The following GALNT17 variants were observed in gnomAD, a reference collection of about 807,000 sequenced individuals.
GALNT17 encodes UDP-GalNAc:polypeptide N-acetylgalactosaminyltransferase-like 3.
GALNT17 carries 29 observed loss-of-function variants against 63.7 expected under a neutral mutation model. The ratio of observed to expected loss-of-function variants is 0.46; its 90% CI spans 0.34 to 0.62. The LOEUF (loss-of-function observed/expected upper bound fraction) is 0.62, where lower values mean the gene tolerates loss of function less well. Ranked by LOEUF, GALNT17 falls within the 20% of genes least tolerant of loss-of-function variation. The probability of loss-of-function intolerance (pLI) is 0.01; values close to 1 mark genes in which losing one functional copy is unlikely to be tolerated. For missense variants in GALNT17, 603 were observed against 799.6 expected, an observed-to-expected ratio of 0.75 and a Z score of 2.97; for synonymous variants, 305 against 318.3, an observed-to-expected ratio of 0.96 and a Z score of 0.45.
At chr7:71,404,988 G>A (rs2116399551) in intron 3 of GALNT17, among the ~76,000 whole-genome samples, 1 of 152,342 alleles carries the variant, frequency 6.6e-6, no homozygotes, top group Admixed American at 6.5e-5. Context: ...GGTGCTGATG[G>A]CTGCAGATTC....
chr7:71,595,509 C>T (rs1789871992), intron 6 of GALNT17, among the ~76,000 whole-genome samples: 2 of 151,890 alleles, frequency 1.3e-5, no homozygotes, highest in South Asian at 2.1e-4. Context: ...AAGATTTAAA[C>T]AGCTGGGCTG....
chr7:71,299,782 T>C (rs747575966), intron 1 of GALNT17, among the ~76,000 whole-genome samples: 9 of 151,968 alleles, frequency 5.9e-5, no homozygotes, highest in Non-Finnish European at 1.3e-4. Flanking sequence ...TTTTTTTTAA[T>C]TGAGATGGAG....
intron 1 of GALNT17, among the ~76,000 whole-genome samples, chr7:71,172,349 C>T (rs956691981): frequency 1.3e-5 from 2 of 151,388 alleles, no homozygotes; most frequent in Admixed American, 1.3e-4. Context: ...CCCAGCTACT[C>T]AGGAGACTGA....
Position 71,603,252 on chromosome 7 carries a change from A to G in GALNT17, c.1080+31850A>G, listed in dbSNP as rs187629873. ...ATACACTGGATACTGTGCTAAGTGC[A>G]TATACCAGTTACTATGCTAAGTGCA... On this transcript the variant is annotated intron_variant, in intron 6 of 10. Transcript: ENST00000333538. Among the ~76,000 whole-genome samples, 270 of 152,192 alleles carry G rather than the reference A, an allele frequency of 1.8e-3. 2 individuals carry two copies. The highest frequency in any genetic ancestry group is 6.3e-3 in the African/African-American group (263 of 41,510).
At chr7:71,408,284 A>G (rs755950021) in intron 3 of GALNT17, among the ~76,000 whole-genome samples, 2 of 152,110 alleles carry the variant, frequency 1.3e-5, no homozygotes, top group African/African-American at 2.4e-5. Flanking sequence ...GGAACGTGCC[A>G]TATGTGCTAT....
intron 6 of GALNT17, among the ~76,000 whole-genome samples, chr7:71,649,642 CACAT>C (rs1180437805): frequency 3.3e-5 from 5 of 150,932 alleles, no homozygotes; most frequent in African/African-American, 1.2e-4. Flanking sequence ...CACACACACA[CACAT>C]ACACACCTTA....
At chr7:71,519,199 T>A (rs577928690) in intron 5 of GALNT17, among the ~76,000 whole-genome samples, 1 of 152,110 alleles carries the variant, frequency 6.6e-6, no homozygotes, top group South Asian at 2.1e-4. Flanking sequence ...AACTACCAGA[T>A]AAACACAGGG....
At chr7:71,650,835 A>G (rs1419428016) in intron 6 of GALNT17, among the ~76,000 whole-genome samples, 1 of 152,160 alleles carries the variant, frequency 6.6e-6, no homozygotes, top group Non-Finnish European at 1.5e-5. Flanking sequence ...GTCATTTTCA[A>G]TACTTTCCTG....
chr7:71,684,458 T>C (rs1488792890), intron 9 of GALNT17, among the ~76,000 whole-genome samples: 2 of 152,188 alleles, frequency 1.3e-5, no homozygotes, highest in Non-Finnish European at 2.9e-5. Context: ...AGCCCAGGGT[T>C]TGAACAGTGC....
intron 3 of GALNT17, among the ~76,000 whole-genome samples, chr7:71,398,347 C>T (rs2960879): frequency 0.029 from 4,412 of 151,982 alleles, 213 homozygotes; most frequent in African/African-American, 0.1. Context: ...TCTTTATTCT[C>T]GCTTCAGTTT....
At chr7:71,364,938 A>ATTTTTTTT (rs1554360044) in intron 2 of GALNT17, among the ~76,000 whole-genome samples, 2 of 150,784 alleles carry the variant, frequency 1.3e-5, no homozygotes, top group Admixed American at 1.3e-4. Flanking sequence ...TTTTTTTATT[A>ATTTTTTTT]TTTTTATTTT....
intron 5 of GALNT17, among the ~76,000 whole-genome samples, chr7:71,550,555 G>A (rs2116828678): frequency 6.6e-6 from 1 of 151,984 alleles, no homozygotes; most frequent in African/African-American, 2.4e-5. Flanking sequence ...TAATTTTTTT[G>A]TATTTAATAG....
chr7:71,693,347 G>T (rs1395560254), intron 9 of GALNT17, among the ~76,000 whole-genome samples: 1 of 144,054 alleles, frequency 6.9e-6, no homozygotes, highest in Non-Finnish European at 1.5e-5. Context: ...ACAATGCAAT[G>T]TGAGATCCTG....
chr7:71,564,372 C>T (rs1438110956), intron 5 of GALNT17, among the ~76,000 whole-genome samples: 1 of 148,848 alleles, frequency 6.7e-6, no homozygotes, highest in South Asian at 2.1e-4. Context: ...CTACAACCTC[C>T]TCCTCCCAGG....
chr7:71,193,399 C>T (rs1788988717), intron 1 of GALNT17, among the ~76,000 whole-genome samples: 1 of 151,772 alleles, frequency 6.6e-6, no homozygotes, highest in Admixed American at 6.6e-5. Flanking sequence ...CACACTTGCC[C>T]CTCATCTATT....
chr7:71,447,971 TC>T (rs917514461), intron 5 of GALNT17, among the ~76,000 whole-genome samples: 2 of 152,206 alleles, frequency 1.3e-5, no homozygotes, highest in Admixed American at 6.5e-5. Context: ...CTCTTCTGTG[TC>T]CCGGATCTCA....
At chr7:71,250,726 A>T (rs1790182693) in intron 1 of GALNT17, among the ~76,000 whole-genome samples, 1 of 152,182 alleles carries the variant, frequency 6.6e-6, no homozygotes. Context: ...CCGATCATTG[A>T]CTCACAAAAG....
At chr7:71,492,637 T>C (rs1403749382) in intron 5 of GALNT17, among the ~76,000 whole-genome samples, 1 of 152,172 alleles carries the variant, frequency 6.6e-6, no homozygotes, top group Non-Finnish European at 1.5e-5. Context: ...CAAAAGTAAA[T>C]TGGCCAAAGT....
At chr7:71,617,616 TTTTGTTTGTTTGTTTGTTTGTTTG>T (rs199901403) in intron 6 of GALNT17, among the ~76,000 whole-genome samples, 1 of 146,500 alleles carries the variant, frequency 6.8e-6, no homozygotes, top group Non-Finnish European at 1.5e-5. Flanking sequence ...AACTGGCTGC[TTTTGTTTGTTTGTTTGTTTGTTTG>T]TTTGTTTGTT....
Sources: allele counts gnomAD v4.1 joint callset (sites outside exome capture counted in the v4.1 genomes callset), GRCh38; gene constraint gnomAD v4.1.1; transcripts MANE v1.5; gene names NCBI Gene and HGNC (gene_info 2026-07-23, HGNC 2026-07-21).